Variants in ZNF83 observed in about 807,000 individuals in gnomAD.
The protein encoded by ZNF83 is zinc finger protein 83, also known as zinc finger protein 816B.
For missense variants in ZNF83, 552 were observed against 629.9 expected (o/e 0.88, Z 1.32); for synonymous variants, 209 against 213.0 (o/e 0.98, Z 0.17).
intron 2 of ZNF83, among the ~76,000 whole-genome samples, chr19:52,631,126 C>A (rs2060942273): frequency 7.7e-6 from 1 of 129,658 alleles, no homozygotes; most frequent in Admixed American, 7.6e-5. Flanking sequence ...TTACCTGGGG[C>A]TGTACTGCCG....
chr19:52,639,297 G>C (rs1301323831), upstream of ZNF83, among the ~76,000 whole-genome samples: 1 of 151,824 alleles, frequency 6.6e-6, no homozygotes, highest in Non-Finnish European at 1.5e-5. Context: ...TGTTGGTCAG[G>C]TTGGTCTCAA....
chr19:52,683,276 GTGTGTA>G (rs1345246484), intron 1 of ZNF83, among the ~76,000 whole-genome samples: 2 of 90,326 alleles, frequency 2.2e-5, no homozygotes, highest in African/African-American at 4.2e-5. Flanking sequence ...GTGTGTGTGT[GTGTGTA>G]TGCTCACGTG....
chr19:52,638,084 C>G (rs894225899), intron 1 of ZNF83, among the ~76,000 whole-genome samples: 17 of 152,164 alleles, frequency 1.1e-4, no homozygotes, highest in African/African-American at 4.1e-4. Context: ...AACTACGCGA[C>G]AGGAAGTGTA....
chr19:52,655,354 T>C (rs566741969), intron 3 of ZNF83: 14 of 494,570 alleles, frequency 2.8e-5, no homozygotes, highest in African/African-American at 2.0e-4. Flanking sequence ...AAAGTGTTCA[T>C]GAATGTTCTG....
intron 1 of ZNF83, among the ~76,000 whole-genome samples, chr19:52,681,810 G>C (rs2061926359): frequency 6.6e-6 from 1 of 152,124 alleles, no homozygotes; most frequent in Non-Finnish European, 1.5e-5. Context: ...GTCATTGAAT[G>C]GACACACAGG....
chr19:52,651,396 G>A (rs1348899033), intron 3 of ZNF83: 1 of 152,202 alleles, frequency 6.6e-6, no homozygotes, highest in Admixed American at 6.5e-5. Context: ...AAATTCTTGA[G>A]GAGGTGTTAG....
At chr19:52,680,703 C>T (rs2061897850) in intron 1 of ZNF83, among the ~76,000 whole-genome samples, 2 of 141,864 alleles carry the variant, frequency 1.4e-5, no homozygotes, top group Admixed American at 1.4e-4. Flanking sequence ...AGCTCCGCCT[C>T]CCGGGTTCAC....
chr19:52,685,772 A>C (rs1203670794), intron 1 of ZNF83, among the ~76,000 whole-genome samples: 8 of 151,950 alleles, frequency 5.3e-5, no homozygotes, highest in African/African-American at 1.9e-4. Context: ...GTGGCAGGCA[A>C]CTGTAATCCC....
At chr19:52,614,218 G>A (rs527276011) in exon 3 of ZNF83, 1 of 1,614,068 alleles carries the variant, frequency 6.2e-7, no homozygotes, top group Non-Finnish European at 8.5e-7. Flanking sequence ...CGTCTCTTTA[G>A]TATGGATTAT....
At chr19:52,619,014 ACTC>A (rs752974838) in intron 2 of ZNF83, 28 of 1,603,068 alleles carry the variant, frequency 1.7e-5, no homozygotes, top group Non-Finnish European at 2.1e-5. Flanking sequence ...AGGCATTTCC[ACTC>A]CTCCTGAGAG....
intron 2 of ZNF83, among the ~76,000 whole-genome samples, chr19:52,622,298 C>T (rs911134010): frequency 2.0e-4 from 30 of 152,290 alleles, no homozygotes; most frequent in Admixed American, 1.8e-3. Context: ...AACACTTAGG[C>T]CCCTTCTCGT....
Position 52,683,228 on chromosome 19 carries a change from C to CTGTGTGTGTGTG in ZNF83, c.-283+7203_-283+7214dup, listed in dbSNP as rs67463602. Among the ~76,000 whole-genome samples, 130 of 128,054 alleles carry CTGTGTGTGTGTG rather than the reference C, an allele frequency of 1.0e-3. 2 individuals are homozygous for CTGTGTGTGTGTG. The highest frequency in any genetic ancestry group is 0.01 in the East Asian group (46 of 4,586). 84.0% of individuals were successfully genotyped at this position (128,054 alleles called of 152,430 possible). A position where few individuals can be genotyped will look rare whatever the true frequency, so the allele number is the denominator to read the frequency against. ...TCAGCTCCTCAGCTGCCCTGTGACT[C>CTGTGTGTGTGTG]TGTGTGTGTGTGTGTGTGTGTGTGT... On this transcript the variant is annotated intron_variant, in intron 1 of 5. Transcript: ENST00000594682.
chr19:52,635,118 T>G (rs748557155), exon 2 of ZNF83: 1 of 689,320 alleles, frequency 1.5e-6, no homozygotes, highest in Admixed American at 2.2e-5. Context: ...CTTCCGGGTT[T>G]CTTCCTCATG....
chr19:52,656,668 C>T (rs1294327601), intron 2 of ZNF83, among the ~76,000 whole-genome samples: 2 of 152,054 alleles, frequency 1.3e-5, no homozygotes, highest in African/African-American at 2.4e-5. Context: ...GAGATTAAGA[C>T]AAGCTGGGCC....
chr19:52,622,047 C>G (rs1015872163), intron 2 of ZNF83, among the ~76,000 whole-genome samples: 1 of 152,072 alleles, frequency 6.6e-6, no homozygotes, highest in African/African-American at 2.4e-5. Context: ...CCTCTCTCCC[C>G]CTCCCCAGGC....
chr19:52,672,668 C>T (rs36058433), intron 1 of ZNF83, among the ~76,000 whole-genome samples: 16,941 of 152,222 alleles, frequency 0.11, 1,122 homozygotes, highest in African/African-American at 0.19. Context: ...GGCACGGTCT[C>T]GGCTCACTGC....
chr19:52,627,365 AG>A (rs200738048), intron 2 of ZNF83, among the ~76,000 whole-genome samples: 39 of 151,334 alleles, frequency 2.6e-4, no homozygotes, highest in East Asian at 5.8e-4. Context: ...GGCATAAAAA[AG>A]AAAAACTATT....
intron 1 of ZNF83, among the ~76,000 whole-genome samples, chr19:52,678,449 CAAAA>C (rs11387898): frequency 9.1e-6 from 1 of 109,702 alleles, no homozygotes; most frequent in African/African-American, 3.6e-5. Flanking sequence ...GACTTCATCT[CAAAA>C]AAAAAAAAAA....
chr19:52,648,908 G>A (rs2061408314), intron 3 of ZNF83, among the ~76,000 whole-genome samples: 2 of 152,190 alleles, frequency 1.3e-5, no homozygotes, highest in South Asian at 4.1e-4. Context: ...ATGCATGGCT[G>A]AAGCTTGAAA....
Sources: gnomAD v4.1 joint callset for allele counts (sites outside exome capture counted in the v4.1 genomes callset) on GRCh38, gnomAD v4.1.1 for gene constraint, MANE v1.5 for transcripts, NCBI Gene and HGNC (gene_info 2026-07-23, HGNC 2026-07-21) for gene names.